Variants in EPDR1 observed in about 807,000 individuals in gnomAD.
EPDR1 encodes mammalian ependymin-related protein 1.
Under a neutral mutation model 23.7 loss-of-function variants are expected in EPDR1, and 27 were observed. The observed-to-expected ratio is 1.14, with a 90% CI of 0.84 to 1.57. The LOEUF (loss-of-function observed/expected upper bound fraction) is 1.57. Among genes scored for constraint, EPDR1 ranks in the 40% most tolerant of loss-of-function variants. The pLI, the probability that EPDR1 is intolerant of heterozygous loss-of-function variation, is 0.00. For missense variants in EPDR1, 349 were observed against 290.4 expected, an observed-to-expected ratio of 1.20 and a Z score of -1.47; for synonymous variants, 137 against 118.2, an observed-to-expected ratio of 1.16 and a Z score of -1.03.
chr7:37,934,562 C>T (rs574972020), intron 1 of EPDR1, among the ~76,000 whole-genome samples: 1 of 152,082 alleles, frequency 6.6e-6, no homozygotes, highest in South Asian at 2.1e-4. Context: ...CTAAGGGAGA[C>T]TAAGAATATG....
Position 37,950,434 on chromosome 7 carries a change from C to T in EPDR1, c.*38C>T, listed in dbSNP as rs760652771. On this transcript the variant is annotated 3_prime_UTR_variant, in exon 3 of 3. Transcript: ENST00000199448. ...GGAAGCGGCAGCATCGGATGTCAGC[C>T]CCCTGCGGCCCCAGCTGGAGATGGA... The T allele has an allele frequency of 5.2e-6, 8 of 1,536,976 alleles. No individual in the cohort carries two copies. In the South Asian group the frequency reaches 9.8e-5, roughly 19 times the overall value.
intron 1 of EPDR1, among the ~76,000 whole-genome samples, chr7:37,932,958 C>A (rs2132006908): frequency 6.6e-6 from 1 of 152,350 alleles, no homozygotes; most frequent in East Asian, 1.9e-4. Context: ...GGCCCATCAC[C>A]TTACAGCTTC....
At chr7:37,926,273 G>A (rs150044610) in intron 1 of EPDR1, among the ~76,000 whole-genome samples, 29 of 152,076 alleles carry the variant, frequency 1.9e-4, no homozygotes, top group Admixed American at 4.6e-4. Flanking sequence ...CTTCCCCCTC[G>A]CCTGAACTGT....
intron 1 of EPDR1, among the ~76,000 whole-genome samples, chr7:37,941,753 G>C (rs1439398768): frequency 6.6e-6 from 1 of 152,172 alleles, no homozygotes; most frequent in African/African-American, 2.4e-5. Flanking sequence ...ATTGAACTCT[G>C]ATTTGAAAAA....
At chr7:37,922,813 A>C (rs906866255) in intron 1 of EPDR1, among the ~76,000 whole-genome samples, 2 of 152,138 alleles carry the variant, frequency 1.3e-5, no homozygotes, top group South Asian at 4.1e-4. Context: ...CACATAAATA[A>C]AAAAAATTTC....
intron 1 of EPDR1, among the ~76,000 whole-genome samples, chr7:37,923,941 T>C (rs1036919262): frequency 3.9e-5 from 6 of 152,206 alleles, no homozygotes; most frequent in African/African-American, 1.4e-4. Context: ...TCGCTACCAC[T>C]ATCATCATTA....
At chr7:37,925,013 C>T (rs527891785) in intron 1 of EPDR1, among the ~76,000 whole-genome samples, 2 of 152,248 alleles carry the variant, frequency 1.3e-5, no homozygotes, top group African/African-American at 4.8e-5. Context: ...TCTGTTTTCC[C>T]TGAGATGATG....
At chr7:37,944,374 A>T (rs1311244447) in intron 1 of EPDR1, among the ~76,000 whole-genome samples, 2 of 152,196 alleles carry the variant, frequency 1.3e-5, no homozygotes, top group African/African-American at 4.8e-5. Flanking sequence ...AAAGAATCTC[A>T]TTGTCTCCTC....
intron 1 of EPDR1, among the ~76,000 whole-genome samples, chr7:37,943,909 T>C (rs1268423810): frequency 6.6e-6 from 1 of 152,192 alleles, no homozygotes; most frequent in East Asian, 1.9e-4. Context: ...CTCCCTGCTG[T>C]CCCCTGCCCT....
chr7:37,922,096 G>T (rs532746652), intron 1 of EPDR1, among the ~76,000 whole-genome samples: 1 of 152,190 alleles, frequency 6.6e-6, no homozygotes, highest in East Asian at 1.9e-4. Context: ...GAGCCCTGCC[G>T]TTCCCCCTAA....
rs889313035 is a variant in EPDR1 at position 37,924,610 on chromosome 7, C to T, written c.269+3402C>T. Among the ~76,000 whole-genome samples the T allele has an allele frequency of 4.4e-4, 67 of 152,184 alleles. 2 individuals are homozygous for T. The highest frequency in any genetic ancestry group is 1.5e-5 in the Non-Finnish European group (1 of 68,032). ...TGCGGTGATTTCTCATTCCTCTGCCCTAATCCAATAGGTGCTGGTTTCACA... is the reference window on the plus strand; with the variant it reads ...TGCGGTGATTTCTCATTCCTCTGCCTTAATCCAATAGGTGCTGGTTTCACA... On this transcript the variant is annotated intron_variant, in intron 1 of 2. Transcript: ENST00000199448.
chr7:37,921,542 T>C (rs1028646866), intron 1 of EPDR1: 5 of 1,265,506 alleles, frequency 4.0e-6, no homozygotes, highest in African/African-American at 1.6e-5. Context: ...AGTCAGGCTC[T>C]GGGCTCATGG....
At chr7:37,924,144 T>A (rs1486437143) in intron 1 of EPDR1, among the ~76,000 whole-genome samples, 1 of 152,222 alleles carries the variant, frequency 6.6e-6, no homozygotes, top group Non-Finnish European at 1.5e-5. Flanking sequence ...CCAGACTAGG[T>A]CATTCTCTCC....
intron 1 of EPDR1, among the ~76,000 whole-genome samples, chr7:37,935,017 G>A (rs879375917): frequency 1.3e-5 from 2 of 152,046 alleles, no homozygotes; most frequent in Non-Finnish European, 1.5e-5. Flanking sequence ...TATTTATATA[G>A]CATTTACATT....
At chr7:37,935,809 T>G (rs1244655316) in intron 1 of EPDR1, among the ~76,000 whole-genome samples, 2 of 151,332 alleles carry the variant, frequency 1.3e-5, no homozygotes, top group Non-Finnish European at 2.9e-5. Flanking sequence ...GTTAGTAGTA[T>G]CTCATAAAAT....
At chr7:37,940,660 C>CA (rs1786152356) in intron 1 of EPDR1, among the ~76,000 whole-genome samples, 1 of 151,846 alleles carries the variant, frequency 6.6e-6, no homozygotes, top group African/African-American at 2.4e-5. Flanking sequence ...TAGAATAAAG[C>CA]AAATAAATGT....
At chr7:37,943,848 T>G (rs1322985113) in intron 1 of EPDR1, among the ~76,000 whole-genome samples, 1 of 152,228 alleles carries the variant, frequency 6.6e-6, no homozygotes, top group African/African-American at 2.4e-5. Flanking sequence ...ATTTTACTTC[T>G]GTATGTGGGC....
intron 1 of EPDR1, among the ~76,000 whole-genome samples, chr7:37,942,095 T>A (rs1786180786): frequency 6.6e-6 from 1 of 152,142 alleles, no homozygotes; most frequent in Non-Finnish European, 1.5e-5. Flanking sequence ...AGAAAACAAA[T>A]AAATGATAGG....
rs1786400337 is a variant in EPDR1 at position 37,951,216 on chromosome 7, A to G, written c.*820A>G. On this transcript the variant is annotated 3_prime_UTR_variant, in exon 3 of 3. Coordinates refer to ENST00000199448, the MANE Select transcript of EPDR1 (RefSeq NM_017549.5). ...ATAGCACTGAACAGGGAGTCAGGAG[A>G]CTATTGTCTCCTAAACCCAGGACTA... The G allele has an allele frequency of 6.6e-6, 1 of 152,132 alleles. No homozygotes were observed. The highest frequency in any genetic ancestry group is 1.5e-5 in the Non-Finnish European group (1 of 68,012). 9.4% of individuals were successfully genotyped at this position (152,132 alleles called of 1,614,324 possible). A position where few individuals can be genotyped will look rare whatever the true frequency, so the allele number is the denominator to read the frequency against.
Sources: allele counts gnomAD v4.1 joint callset (sites outside exome capture counted in the v4.1 genomes callset), GRCh38; gene constraint gnomAD v4.1.1; transcripts MANE v1.5; gene names NCBI Gene and HGNC (gene_info 2026-07-23, HGNC 2026-07-21).